Variants in PPP6R2 observed in about 807,000 individuals in gnomAD.
The protein encoded by PPP6R2 is protein phosphatase 6 regulatory subunit 2.
PPP6R2 carries 62 observed loss-of-function variants against 100.2 expected under a neutral mutation model. The observed-to-expected ratio is 0.62, with a 90% CI of 0.50 to 0.76. PPP6R2 has a LOEUF of 0.76. Among genes scored for constraint, PPP6R2 ranks in the 30% least tolerant of loss-of-function variants. The pLI is 0.00. For missense variants in PPP6R2, 1,142 were observed against 1,276.3 expected (o/e 0.89, Z 1.60); for synonymous variants, 525 against 514.7 (o/e 1.02, Z -0.27).
At position 50,438,631 on chromosome 22, in the gene PPP6R2, C is replaced by T. The variant is rs1387746115; in HGVS notation, c.1997C>T (p.Ser666Leu). ...FGAPHASESC[S>L]KNGPERGGQD... ...GCCCCCCATGCTTCAGAGAGTTGCT[C>T]AAAGAATGGCCCAGAGCGTGGAGGC... Residue 666 changes from serine (S) to leucine (L), a missense_variant, in exon 19 of 24, where the codon TCA becomes TTA. Physicochemically the swap from Ser to Leu is moderately radical, Grantham distance 145. This residue lies in a region of PPP6R2 where 550 missense variants were observed against 517.4 expected (regional missense o/e 1.06). Coordinates refer to ENST00000612753, the MANE Select transcript of PPP6R2 (RefSeq NM_001242898.2). 6.2e-7 allele frequency: 1 copy of T among 1,614,024 alleles called. No homozygotes were observed. Among genetic ancestry groups the T allele is most frequent in the Non-Finnish European group, 8.5e-7 (1 of 1,179,980 alleles).
At chr22:50,394,247 A>G (rs1174832900) in intron 3 of PPP6R2, 112 bp downstream of exon 3, 4 of 1,480,466 alleles carry the variant, frequency 2.7e-6, no homozygotes, top group Admixed American at 4.2e-5. Flanking sequence ...AGCGAGCCGT[A>G]AAAATCCACC....
chr22:50,337,827 TGTGTGTGTGGG>T, the PPP6R2 span, among the ~76,000 whole-genome samples: 1 of 135,956 alleles, frequency 7.4e-6, no homozygotes, highest in African/African-American at 2.8e-5. Context: ...CTGGGTACAG[TGTGTGTGTGGG>T]GTGTGTGTGG....
chr22:50,343,317 G>C (rs2042630346), upstream of PPP6R2: 1 of 149,562 alleles, frequency 6.7e-6, no homozygotes, highest in Non-Finnish European at 1.5e-5. Context: ...GCGCGTGCCC[G>C]TGCGCCGCCG....
Position 50,438,699 on chromosome 22 carries a change from GGGGCAGGTGCCCCACCGGCCCCC to G in PPP6R2, c.2069_2091del (p.Ala690GlufsTer10). ...CTTGGAAGCACACAGAGATGCACCTGGGGCAGGTGCCCCACCGGCCCCCGGGAAGAAGGAAGCGCCCCCTGTGG... is the reference window on the plus strand; with the variant it reads ...CTTGGAAGCACACAGAGATGCACCTGGGGAAGAAGGAAGCGCCCCCTGTGG... On this transcript the variant is annotated frameshift_variant, in exon 19 of 24. Coordinates refer to ENST00000612753, the MANE Select transcript of PPP6R2 (RefSeq NM_001242898.2). LOFTEE classifies it high-confidence loss of function. 6.2e-7 allele frequency: 1 copy of G among 1,613,806 alleles called. No individual in the cohort carries two copies. Among genetic ancestry groups the G allele is most frequent in the Non-Finnish European group, 8.5e-7 (1 of 1,179,954 alleles).
intron 10 of PPP6R2, among the ~76,000 whole-genome samples, chr22:50,424,633 C>CTTTTTTTTTTTTTTTTTTTTTTTTTTTTT (rs71198247): frequency 2.7e-5 from 2 of 74,252 alleles, no homozygotes; most frequent in Non-Finnish European, 5.1e-5. Context: ...CCCTCTTCTT[C>CTTTTTTTTTTTTTTTTTTTTTTTTTTTTT]TTTTTTTTTT....
At chr22:50,353,256 A>AT (rs1163304679) in intron 1 of PPP6R2, among the ~76,000 whole-genome samples, 1 of 152,124 alleles carries the variant, frequency 6.6e-6, no homozygotes, top group Non-Finnish European at 1.5e-5. Context: ...AAGCTTAAGC[A>AT]TTTCTAGCTT....
upstream of PPP6R2, among the ~76,000 whole-genome samples, chr22:50,340,821 A>AG (rs1211382780): frequency 6.6e-6 from 1 of 151,870 alleles, no homozygotes; most frequent in African/African-American, 2.4e-5. Context: ...CAGGTCATGT[A>AG]GGGCCCTGTG....
At chr22:50,371,325 C>G (rs1246010784) in intron 1 of PPP6R2, among the ~76,000 whole-genome samples, 1 of 151,926 alleles carries the variant, frequency 6.6e-6, no homozygotes, top group Non-Finnish European at 1.5e-5. Context: ...AGTTCGGCAT[C>G]AGTATGGTGA....
chr22:50,341,992 CA>C (rs563190922), upstream of PPP6R2, among the ~76,000 whole-genome samples: 209 of 137,654 alleles, frequency 1.5e-3, no homozygotes, highest in African/African-American at 2.9e-3. Flanking sequence ...GACTCCGTCT[CA>C]AAAAAAAAAA....
At chr22:50,401,126 G>T (rs2149039279) in intron 3 of PPP6R2, among the ~76,000 whole-genome samples, 1 of 152,138 alleles carries the variant, frequency 6.6e-6, no homozygotes, top group South Asian at 2.1e-4. Flanking sequence ...TCAAACTCCT[G>T]GGCTCAAGTG....
chr22:50,409,728 CGAT>C (rs1197746049), intron 4 of PPP6R2, among the ~76,000 whole-genome samples: 4 of 151,688 alleles, frequency 2.6e-5, no homozygotes, highest in South Asian at 2.1e-4. Context: ...GCCCGGCCGA[CGAT>C]GATGATGATT....
At position 50,423,951 on chromosome 22, in the gene PPP6R2, G is replaced by A. The variant is rs1166710933; in HGVS notation, c.1125+337G>A. ...TGAACAACATAGAACTTACACGGTG[G>A]TTATTAGGTATAAAATGGCTAAAAG... is the stretch of plus-strand genomic sequence containing the variant. On this transcript the variant is annotated intron_variant, in intron 10 of 23. Coordinates refer to ENST00000612753, the MANE Select transcript of PPP6R2 (RefSeq NM_001242898.2). The surrounding 1 kb of genome is among the most constrained non-coding windows in gnomAD (Gnocchi z 4.8). Among the ~76,000 whole-genome samples, 2 of 152,254 alleles carry A rather than the reference G, an allele frequency of 1.3e-5. No homozygotes were observed. Among genetic ancestry groups the A allele is most frequent in the Non-Finnish European group, 2.9e-5 (2 of 68,048 alleles).
intron 1 of PPP6R2, among the ~76,000 whole-genome samples, chr22:50,356,479 G>C (rs1268162260): frequency 3.3e-5 from 5 of 151,246 alleles, no homozygotes; most frequent in African/African-American, 1.2e-4. Context: ...ATTTTTTTTT[G>C]TATTTTTAGT....
intron 1 of PPP6R2, among the ~76,000 whole-genome samples, chr22:50,369,667 G>A (rs1011904228): frequency 6.6e-6 from 1 of 151,876 alleles, no homozygotes; most frequent in Non-Finnish European, 1.5e-5. Flanking sequence ...GCGTACGCCC[G>A]GCTAATTTTT....
At chr22:50,377,737 G>C (rs1183152126) in intron 2 of PPP6R2, among the ~76,000 whole-genome samples, 1 of 152,170 alleles carries the variant, frequency 6.6e-6, no homozygotes, top group Non-Finnish European at 1.5e-5. Context: ...GGCCAGGCGC[G>C]GTGGCTGACG....
chr22:50,390,519 C>A (rs548952657), intron 2 of PPP6R2, among the ~76,000 whole-genome samples: 1 of 152,118 alleles, frequency 6.6e-6, no homozygotes, highest in East Asian at 1.9e-4. Flanking sequence ...ACAGGCCAGG[C>A]GTGGTGGTTC....
At chr22:50,346,227 C>CG (rs1373073257) in intron 1 of PPP6R2, among the ~76,000 whole-genome samples, 1 of 18,322 alleles carries the variant, frequency 5.5e-5, no homozygotes, top group Admixed American at 5.0e-4. Context: ...CCAGTCAGTG[C>CG]CCCTCCAGTA....
chr22:50,442,024 T>C (rs1232956475), intron 22 of PPP6R2, among the ~76,000 whole-genome samples: 1 of 152,122 alleles, frequency 6.6e-6, no homozygotes, highest in Admixed American at 6.5e-5. Context: ...GCTGGATTCC[T>C]CTAGGAGGGG....
Position 50,394,246 on chromosome 22 carries a change from T to C in PPP6R2, c.227+111T>C, listed in dbSNP as rs535888677. On this transcript the variant is annotated intron_variant, in intron 3 of 23. Coordinates refer to ENST00000612753, the MANE Select transcript of PPP6R2 (RefSeq NM_001242898.2). ...GGATTTCTGATGAAGAAGCGAGCCG[T>C]AAAAATCCACCCCATGTGAGAAGTG... is the stretch of plus-strand genomic sequence containing the variant. 5 of 1,484,532 alleles carry C rather than the reference T, an allele frequency of 3.4e-6. No homozygotes were observed. In the African/African-American group the frequency reaches 6.9e-5, roughly 21 times the overall value. The allele number at this position is 1,484,532 out of a possible 1,614,324, so 92.0% of individuals were successfully genotyped here.
Sources: allele counts gnomAD v4.1 joint callset (sites outside exome capture counted in the v4.1 genomes callset), GRCh38; gene constraint gnomAD v4.1.1; regional missense constraint gnomAD v4.1.1; non-coding constraint Gnocchi (gnomAD v3.1); transcripts MANE v1.5; gene names NCBI Gene and HGNC (gene_info 2026-07-23, HGNC 2026-07-21).